Variants in PTPRN2 observed in about 807,000 individuals in gnomAD.
The protein encoded by PTPRN2 is receptor-type tyrosine-protein phosphatase N2.
In PTPRN2, 74 loss-of-function variants were observed where a neutral mutation model predicts 118.8. That is an observed-to-expected ratio of 0.62 (90% confidence interval 0.52 to 0.76). The LOEUF (loss-of-function observed/expected upper bound fraction) is 0.76. Ranked by LOEUF, PTPRN2 falls within the 30% of genes least tolerant of loss-of-function variation. PTPRN2 has a pLI of 0.00. For missense variants in PTPRN2, 1,481 were observed against 1,394.4 expected, an observed-to-expected ratio of 1.06 and a Z score of -0.99; for synonymous variants, 641 against 608.0, an observed-to-expected ratio of 1.05 and a Z score of -0.80.
At chr7:158,057,752 G>A (rs757828148) in intron 11 of PTPRN2, among the ~76,000 whole-genome samples, 12 of 152,142 alleles carry the variant, frequency 7.9e-5, no homozygotes, top group Non-Finnish European at 1.5e-4. Context: ...GCTCCTCAGC[G>A]TGGCTGCTTG....
intron 5 of PTPRN2, among the ~76,000 whole-genome samples, chr7:158,169,551 G>A (rs368754698): frequency 1.3e-5 from 2 of 151,758 alleles, no homozygotes; most frequent in Non-Finnish European, 2.9e-5. Flanking sequence ...AAAGTGCTGG[G>A]ATTACAGGCG....
chr7:158,411,711 C>T (rs1186517679), intron 2 of PTPRN2, among the ~76,000 whole-genome samples: 3 of 152,236 alleles, frequency 2.0e-5, no homozygotes, highest in South Asian at 2.1e-4. Flanking sequence ...CGCCGCCCCG[C>T]GGCACTCACA....
At position 158,093,112 on chromosome 7, in the gene PTPRN2, G is replaced by A. The variant is rs112850590; in HGVS notation, c.1644-11735C>T. 2.0e-5 allele frequency among the ~76,000 whole-genome samples: 3 copies of A among 151,992 alleles called. No homozygotes were observed. The highest frequency in any genetic ancestry group is 2.9e-5 in the Non-Finnish European group (2 of 67,994). On this transcript the variant is annotated intron_variant, in intron 10 of 22. Transcript: ENST00000389418. This position sits in a 1 kb window ranked among gnomAD's most constrained non-coding sequence, Gnocchi z 4.4. ...ACGAGTATAAGTGTGAGACCCACAC[G>A]CAGGCCTGCACCTCTGTCCTTTCCT... is the stretch of plus-strand genomic sequence containing the variant.
intron 1 of PTPRN2, among the ~76,000 whole-genome samples, chr7:158,505,947 C>A (rs979385293): frequency 6.6e-6 from 1 of 152,204 alleles, no homozygotes; most frequent in South Asian, 2.1e-4. Context: ...GTGGGTCAGA[C>A]GCTGCACCGG....
intron 12 of PTPRN2, among the ~76,000 whole-genome samples, chr7:157,744,934 G>GA (rs1237494472): frequency 6.6e-6 from 1 of 152,190 alleles, no homozygotes; most frequent in African/African-American, 2.4e-5. Flanking sequence ...GAGGGGCCCT[G>GA]AGGCGTGTCA....
At chr7:157,943,682 G>T (rs1480638017) in intron 11 of PTPRN2, among the ~76,000 whole-genome samples, 1 of 150,176 alleles carries the variant, frequency 6.7e-6, no homozygotes, top group Non-Finnish European at 1.5e-5. Context: ...GTCCTCCCCA[G>T]ATGCCAAAGC....
At chr7:158,139,339 T>C (rs1819150396) in intron 6 of PTPRN2, among the ~76,000 whole-genome samples, 2 of 152,160 alleles carry the variant, frequency 1.3e-5, no homozygotes, top group Middle Eastern at 3.2e-3. Flanking sequence ...ATTTAAAATT[T>C]ATGTCCATTA....
Position 157,893,699 on chromosome 7 carries a change from T to C in PTPRN2, c.1788+4974A>G, listed in dbSNP as rs1233703628. Among the ~76,000 whole-genome samples, 3 of 152,128 alleles carry C rather than the reference T, an allele frequency of 2.0e-5. No homozygotes were observed. Among genetic ancestry groups the C allele is most frequent in the African/African-American group, 7.2e-5 (3 of 41,436 alleles). ...GAGAAAAGGAGGACACCTGTGGCCA[T>C]ACACACCTGTTGCTCGGTGAATGGG... On this transcript the variant is annotated intron_variant, in intron 12 of 22. Coordinates refer to ENST00000389418, the MANE Select transcript of PTPRN2 (RefSeq NM_002847.5). The surrounding 1 kb of genome is among the most constrained non-coding windows in gnomAD (Gnocchi z 4.0).
At chr7:158,036,195 C>T (rs1359580585) in intron 11 of PTPRN2, among the ~76,000 whole-genome samples, 4 of 152,026 alleles carry the variant, frequency 2.6e-5, no homozygotes, top group African/African-American at 4.8e-5. Context: ...GAAACTGCAA[C>T]GCACAACAGA....
chr7:158,450,978 C>G (rs1315195748), intron 2 of PTPRN2, among the ~76,000 whole-genome samples: 1 of 152,220 alleles, frequency 6.6e-6, no homozygotes, highest in Non-Finnish European at 1.5e-5. Flanking sequence ...CCAGGTGCTT[C>G]CAGGAACTCC....
intron 12 of PTPRN2, among the ~76,000 whole-genome samples, chr7:157,797,211 C>T (rs909428239): frequency 6.6e-6 from 1 of 152,210 alleles, no homozygotes; most frequent in African/African-American, 2.4e-5. Flanking sequence ...GTGAAACCTC[C>T]AACGTGAAAT....
chr7:158,103,518 C>T (rs1005148413), intron 10 of PTPRN2, among the ~76,000 whole-genome samples: 4 of 152,210 alleles, frequency 2.6e-5, no homozygotes, highest in Non-Finnish European at 2.9e-5. Flanking sequence ...ACTCTCTGGG[C>T]CCCAGGAGAT....
At chr7:157,976,561 C>T (rs938589321) in intron 11 of PTPRN2, among the ~76,000 whole-genome samples, 6 of 151,690 alleles carry the variant, frequency 4.0e-5, no homozygotes, top group Non-Finnish European at 7.4e-5. Context: ...TCCCGTGCTG[C>T]CTCCTGGGAT....
In PTPRN2 at chr7:158,166,256, C is replaced by A. The variant is rs7804421; in HGVS notation, c.910+675G>T. On this transcript the variant is annotated intron_variant, in intron 6 of 22. Coordinates refer to ENST00000389418, the MANE Select transcript of PTPRN2 (RefSeq NM_002847.5). ...ACCCTCAGGATCATCTCCTCCTCCC[C>A]CTGGCTGCCGCGTTCCCTGTCCTCA... Among the ~76,000 whole-genome samples the A allele has an allele frequency of 7.6e-4, 103 of 136,156 alleles. 9 individuals are homozygous for A. Among genetic ancestry groups the A allele is most frequent in the African/African-American group, 2.7e-3 (91 of 33,712 alleles). The allele number at this position is 136,156 out of a possible 152,430, so 89.3% of individuals were successfully genotyped here.
chr7:158,516,427 GTTCCT>G, intron 1 of PTPRN2, among the ~76,000 whole-genome samples: 1 of 152,336 alleles, frequency 6.6e-6, no homozygotes, highest in East Asian at 1.9e-4. Context: ...CTTTCCCCTT[GTTCCT>G]TCCCATGCCC....
chr7:157,898,028 G>A (rs952977231), intron 12 of PTPRN2, among the ~76,000 whole-genome samples: 1 of 152,262 alleles, frequency 6.6e-6, no homozygotes, highest in Non-Finnish European at 1.5e-5. Context: ...CCATCGGCGC[G>A]GTGCGGGGAG....
intron 5 of PTPRN2, among the ~76,000 whole-genome samples, chr7:158,169,715 C>T (rs911765029): frequency 1.1e-4 from 17 of 151,460 alleles, no homozygotes; most frequent in African/African-American, 3.2e-4. Context: ...TCTTTTGAGA[C>T]GGAGTCTCTC....
intron 12 of PTPRN2, among the ~76,000 whole-genome samples, chr7:157,840,177 G>A (rs2151180882): frequency 1.3e-5 from 2 of 150,732 alleles, no homozygotes; most frequent in African/African-American, 2.5e-5. Flanking sequence ...GTGTGACTGT[G>A]TGACCGTGTG....
intron 2 of PTPRN2, among the ~76,000 whole-genome samples, chr7:158,470,530 G>A (rs1429636023): frequency 6.6e-5 from 10 of 152,218 alleles, no homozygotes; most frequent in African/African-American, 1.4e-4. Flanking sequence ...GTCCCTCGAC[G>A]GAGCACGACT....
Sources: allele counts gnomAD v4.1 joint callset (sites outside exome capture counted in the v4.1 genomes callset), GRCh38; gene constraint gnomAD v4.1.1; non-coding constraint Gnocchi (gnomAD v3.1); transcripts MANE v1.5; gene names NCBI Gene and HGNC (gene_info 2026-07-23, HGNC 2026-07-21).